Variants in MACROD2 observed in about 807,000 individuals in gnomAD.
The protein encoded by MACROD2 is mono-ADP ribosylhydrolase 2.
MACROD2 carries 36 observed loss-of-function variants against 70.4 expected under a neutral mutation model. The ratio of observed to expected loss-of-function variants is 0.51; its 90% confidence interval spans 0.39 to 0.68. The LOEUF is 0.68. Among genes scored for constraint, MACROD2 ranks in the 30% least tolerant of loss-of-function variants. The probability of loss-of-function intolerance (pLI) is 0.00; values close to 1 mark genes in which losing one functional copy is unlikely to be tolerated. For missense variants in MACROD2, 496 were observed against 538.4 expected (o/e 0.92, Z 0.78); for synonymous variants, 172 against 178.8 (o/e 0.96, Z 0.30).
chr20:14,865,805 C>G (rs2073421982), intron 5 of MACROD2, among the ~76,000 whole-genome samples: 1 of 152,060 alleles, frequency 6.6e-6, no homozygotes, highest in Non-Finnish European at 1.5e-5. Flanking sequence ...TAAAGATTAT[C>G]CTGTGATGAG....
At chr20:15,451,154 T>C (rs1041834673) in intron 7 of MACROD2, among the ~76,000 whole-genome samples, 1 of 152,080 alleles carries the variant, frequency 6.6e-6, no homozygotes, top group African/African-American at 2.4e-5. Context: ...ATGGGCTGCC[T>C]CGGTGCATTT....
intron 10 of MACROD2, among the ~76,000 whole-genome samples, chr20:15,887,177 C>G (rs1395365273): frequency 2.6e-5 from 4 of 152,082 alleles, no homozygotes; most frequent in Non-Finnish European, 5.9e-5. Flanking sequence ...TGGTCCTTCT[C>G]TATGTTAAGT....
At chr20:15,319,725 T>C (rs1005588514) in intron 6 of MACROD2, among the ~76,000 whole-genome samples, 5 of 152,130 alleles carry the variant, frequency 3.3e-5, no homozygotes, top group Admixed American at 6.5e-5. Context: ...ACTGTGGAAA[T>C]GCATGAATGG....
intron 4 of MACROD2, among the ~76,000 whole-genome samples, chr20:14,543,235 T>C (rs2085454143): frequency 6.6e-6 from 1 of 152,154 alleles, no homozygotes; most frequent in South Asian, 2.1e-4. Flanking sequence ...TGGTAGTGTA[T>C]ACAGAGTGGA....
chr20:15,848,014 T>G (rs946247543), intron 8 of MACROD2, among the ~76,000 whole-genome samples: 5 of 152,186 alleles, frequency 3.3e-5, no homozygotes, highest in Non-Finnish European at 7.3e-5. Context: ...AGCAGAGAAG[T>G]GTTCAATAGC....
rs1206472290 is a variant in MACROD2 at position 14,754,184 on chromosome 20, G to A, written c.418+69225G>A. ...CAGCATTAATTCAACAAATAATATG[G>A]TACCCTTGGCAAATAGAATGGTCAT... On this transcript the variant is annotated intron_variant, in intron 5 of 17. Coordinates refer to ENST00000684519, the MANE Select transcript of MACROD2 (RefSeq NM_001351661.2). Among the ~76,000 whole-genome samples the A allele has an allele frequency of 2.6e-5, 4 of 152,160 alleles. No homozygotes were observed. In the East Asian group the frequency reaches 7.7e-4, roughly 29 times the overall value.
intron 8 of MACROD2, among the ~76,000 whole-genome samples, chr20:15,580,509 T>C (rs2048509108): frequency 6.6e-6 from 1 of 152,224 alleles, no homozygotes. Flanking sequence ...CTCCTCAGTC[T>C]AGTCCACTGG....
chr20:14,106,868 T>G (rs940377114), intron 3 of MACROD2, among the ~76,000 whole-genome samples: 1 of 152,134 alleles, frequency 6.6e-6, no homozygotes, highest in Non-Finnish European at 1.5e-5. Flanking sequence ...ACCACAGTGT[T>G]TTTGGGCTTG....
At chr20:14,756,856 C>T (rs1213674806) in intron 5 of MACROD2, among the ~76,000 whole-genome samples, 3 of 152,028 alleles carry the variant, frequency 2.0e-5, no homozygotes, top group African/African-American at 7.3e-5. Context: ...ATACTGTTCT[C>T]GTGATAGTGA....
intron 3 of MACROD2, among the ~76,000 whole-genome samples, chr20:14,255,591 T>G (rs1036563131): frequency 1.3e-5 from 2 of 151,734 alleles, no homozygotes; most frequent in African/African-American, 4.8e-5. Flanking sequence ...TGCTAAATGA[T>G]GAGTTAATGG....
intron 5 of MACROD2, among the ~76,000 whole-genome samples, chr20:15,077,811 T>C (rs1185870660): frequency 2.0e-5 from 3 of 152,148 alleles, no homozygotes; most frequent in Admixed American, 2.0e-4. Flanking sequence ...TCACTGAATT[T>C]CAGATGGACA....
chr20:14,357,333 G>A (rs376780809), intron 3 of MACROD2, among the ~76,000 whole-genome samples: 8 of 152,162 alleles, frequency 5.3e-5, no homozygotes, highest in African/African-American at 1.4e-4. Context: ...CAGATTATGA[G>A]TGACTTTTCA....
chr20:15,453,292 T>C (rs539212017), intron 7 of MACROD2, among the ~76,000 whole-genome samples: 46 of 152,148 alleles, frequency 3.0e-4, no homozygotes, highest in Non-Finnish European at 6.0e-4. Flanking sequence ...ATTCCAGTGC[T>C]CATTGGATCA....
At chr20:15,630,782 C>T (rs543042607) in intron 8 of MACROD2, among the ~76,000 whole-genome samples, 42 of 152,238 alleles carry the variant, frequency 2.8e-4, no homozygotes, top group Non-Finnish European at 4.8e-4. Context: ...AAGTTCTCAC[C>T]TCAGGGGCAG....
intron 5 of MACROD2, among the ~76,000 whole-genome samples, chr20:15,096,397 C>T (rs555412827): frequency 6.9e-6 from 1 of 145,874 alleles, no homozygotes; most frequent in East Asian, 2.0e-4. Context: ...TGTTTTTTCT[C>T]TTGGGAGTCT....
At chr20:14,507,720 C>CT (rs1322028426) in intron 4 of MACROD2, among the ~76,000 whole-genome samples, 4 of 152,118 alleles carry the variant, frequency 2.6e-5, no homozygotes, top group African/African-American at 9.7e-5. Flanking sequence ...AACAATGAAT[C>CT]AATAGATTCT....
intron 3 of MACROD2, among the ~76,000 whole-genome samples, chr20:14,417,035 A>C (rs6110281): frequency 1.4e-5 from 2 of 147,218 alleles, no homozygotes; most frequent in Admixed American, 7.0e-5. Flanking sequence ...ATCTATCTAT[A>C]TATCTATCTA....
chr20:14,545,601 A>T (rs1487036649), intron 4 of MACROD2, among the ~76,000 whole-genome samples: 2 of 152,216 alleles, frequency 1.3e-5, no homozygotes, highest in Non-Finnish European at 2.9e-5. Flanking sequence ...GTAATTAAGT[A>T]ATCATGCCGG....
intron 5 of MACROD2, among the ~76,000 whole-genome samples, chr20:14,998,720 G>T (rs1010586394): frequency 1.3e-5 from 2 of 152,142 alleles, no homozygotes; most frequent in Admixed American, 6.5e-5. Context: ...TTATTTAAAG[G>T]GATAATAACA....
Sources: allele counts gnomAD v4.1 joint callset (sites outside exome capture counted in the v4.1 genomes callset), GRCh38; gene constraint gnomAD v4.1.1; transcripts MANE v1.5; gene names NCBI Gene and HGNC (gene_info 2026-07-23, HGNC 2026-07-21).